PITPNM3: variants seen among roughly 807,000 people sequenced by gnomAD.
PITPNM3 encodes the protein membrane-associated phosphatidylinositol transfer protein 3.
In PITPNM3, 26 loss-of-function variants were observed where a neutral mutation model predicts 102.0. The observed-to-expected ratio is 0.25, with a 90% confidence interval of 0.19 to 0.35. The LOEUF (loss-of-function observed/expected upper bound fraction) is 0.35, where lower values mean the gene tolerates loss of function less well. Ranked by LOEUF, PITPNM3 falls within the 10% of genes least tolerant of loss-of-function variation. The probability of loss-of-function intolerance (pLI) is 1.00; values close to 1 mark genes in which losing one functional copy is unlikely to be tolerated. For synonymous variants in PITPNM3, 578 were observed against 558.6 expected (o/e 1.03, Z -0.49); for missense variants, 1,083 against 1,346.1 (o/e 0.80, Z 3.06).
intron 2 of PITPNM3, among the ~76,000 whole-genome samples, chr17:6,532,988 G>A (rs1275593046): frequency 1.3e-5 from 2 of 152,090 alleles, no homozygotes; most frequent in Admixed American, 6.5e-5. Flanking sequence ...TTGAGACGGC[G>A]TTTCCCTCTT....
intron 4 of PITPNM3, among the ~76,000 whole-genome samples, chr17:6,491,818 T>TAA (rs1471367664): frequency 1.3e-5 from 1 of 78,580 alleles, no homozygotes; most frequent in Non-Finnish European, 2.8e-5. Flanking sequence ...GACAATGGAA[T>TAA]ATATATATAT....
intron 2 of PITPNM3, among the ~76,000 whole-genome samples, chr17:6,532,380 C>A (rs1909193002): frequency 6.6e-6 from 1 of 152,162 alleles, no homozygotes; most frequent in South Asian, 2.1e-4. Flanking sequence ...AAGCGCACAG[C>A]TGGGTAAGTT....
rs938339899 is a variant in PITPNM3 at position 6,537,779 on chromosome 17, G to A, written c.118+208C>T. ...GCACCTAGCAGAGTTCCCGGCACAT[G>A]TGAGGGGTTCAGCAAATATTTCAAA... On this transcript the variant is annotated intron_variant, in intron 2 of 19. Coordinates refer to ENST00000262483, the MANE Select transcript of PITPNM3 (RefSeq NM_031220.4). The surrounding 1 kb of genome is among the most constrained non-coding windows in gnomAD (Gnocchi z 4.4). Among the ~76,000 whole-genome samples, 11 of 152,220 alleles carry A rather than the reference G, an allele frequency of 7.2e-5. No homozygotes were observed. The highest frequency in any genetic ancestry group is 2.7e-4 in the African/African-American group (11 of 41,452).
chr17:6,467,891 G>A (rs1372624647), intron 14 of PITPNM3, among the ~76,000 whole-genome samples: 1 of 152,158 alleles, frequency 6.6e-6, no homozygotes, highest in Non-Finnish European at 1.5e-5. Context: ...AATGGTAAGT[G>A]ACTGAGATCC....
At chr17:6,522,168 A>G (rs539389437) in intron 3 of PITPNM3, among the ~76,000 whole-genome samples, 1 of 152,244 alleles carries the variant, frequency 6.6e-6, no homozygotes, top group Admixed American at 6.5e-5. Context: ...TTATGAGGAC[A>G]TTTTCCCAAC....
At chr17:6,519,655 C>A (rs947364120) in intron 3 of PITPNM3, among the ~76,000 whole-genome samples, 1 of 151,796 alleles carries the variant, frequency 6.6e-6, no homozygotes, top group Non-Finnish European at 1.5e-5. Flanking sequence ...CATGGTGAAA[C>A]CCCATCTCTA....
At position 6,541,534 on chromosome 17, in the gene PITPNM3, C is replaced by T. The variant is rs148920755; in HGVS notation, c.23-3452G>A. Among the ~76,000 whole-genome samples the T allele has an allele frequency of 5.9e-3, 895 of 152,084 alleles. 15 individuals are homozygous for T. Among genetic ancestry groups the T allele is most frequent in the African/African-American group, 0.021 (861 of 41,480 alleles). ...CAGGTAGGGTAGGACCTGTCATGGA[C>T]GGAAGCTTGGAACAGGTGAGTTTTA... On this transcript the variant is annotated intron_variant, in intron 1 of 19. Transcript: ENST00000262483.
At position 6,485,672 on chromosome 17, in the gene PITPNM3, C is replaced by T. The variant is rs545202600; in HGVS notation, c.275-1380G>A. Among the ~76,000 whole-genome samples the T allele has an allele frequency of 1.7e-3, 263 of 152,330 alleles. 1 individual carries two copies. The highest frequency in any genetic ancestry group is 2.6e-3 in the Non-Finnish European group (175 of 68,018). ...AAACATTACTGGCATTGCCCATGAGCTTTAGGGTAAAGCTGGCCTTTGCCA... is the reference window on the plus strand; with the variant it reads ...AAACATTACTGGCATTGCCCATGAGTTTTAGGGTAAAGCTGGCCTTTGCCA... On this transcript the variant is annotated intron_variant, in intron 4 of 19. Transcript: ENST00000262483.
At chr17:6,498,428 G>A (rs921509151) in intron 4 of PITPNM3, among the ~76,000 whole-genome samples, 4 of 152,250 alleles carry the variant, frequency 2.6e-5, no homozygotes, top group East Asian at 1.9e-4. Flanking sequence ...CGCTTCATTC[G>A]AGAGGATCCA....
Position 6,556,352 on chromosome 17 carries a change from C to A in PITPNM3, c.22+33G>T. The A allele has an allele frequency of 7.1e-7, 1 of 1,399,832 alleles. No homozygotes were observed. The allele number at this position is 1,399,832 out of a possible 1,614,324, so 86.7% of individuals were successfully genotyped here. A position where few individuals can be genotyped will look rare whatever the true frequency, so the allele number is the denominator to read the frequency against. ...TAGACGCGCGAGTCCCTCCCCCGGG[C>A]CCCGGCCCTGCCCTCCCCGCGCCCG... On this transcript the variant is annotated intron_variant, in intron 1 of 19. Coordinates refer to ENST00000262483, the MANE Select transcript of PITPNM3 (RefSeq NM_031220.4). This position sits in a 1 kb window ranked among gnomAD's most constrained non-coding sequence, Gnocchi z 5.2.
intron 9 of PITPNM3, among the ~76,000 whole-genome samples, chr17:6,476,012 T>C (rs9899197): frequency 0.057 from 8,662 of 152,322 alleles, 823 homozygotes; most frequent in African/African-American, 0.2. Context: ...TGTAGGGCTA[T>C]TTATACTGCT....
In PITPNM3 at chr17:6,459,688, A is replaced by G. The variant is rs975906008; in HGVS notation, c.2490+1685T>C. Among the ~76,000 whole-genome samples, 4 of 151,556 alleles carry G rather than the reference A, an allele frequency of 2.6e-5. No homozygotes were observed. The South Asian group carries it at 8.4e-4, about 32-fold the overall frequency. ...GGAGTCCCTACCATGTGGCATCATCACCCCCAATGCAGAAGCTATATTGGT... is the reference window on the plus strand; with the variant it reads ...GGAGTCCCTACCATGTGGCATCATCGCCCCCAATGCAGAAGCTATATTGGT... On this transcript the variant is annotated intron_variant, in intron 18 of 19. Coordinates refer to ENST00000262483, the MANE Select transcript of PITPNM3 (RefSeq NM_031220.4). This position sits in a 1 kb window ranked among gnomAD's most constrained non-coding sequence, Gnocchi z 5.0.
rs9892796 is a variant in PITPNM3, at chr17:6,470,889, G to A, written c.1624+272C>T. ...GGTCAGAGCTCTGATTTGAGGCAGGGTCAGAGTTCAGGGCTCTGTCCAGGG... is the reference window on the plus strand; with the variant it reads ...GGTCAGAGCTCTGATTTGAGGCAGGATCAGAGTTCAGGGCTCTGTCCAGGG... On this transcript the variant is annotated intron_variant, in intron 12 of 19. Transcript: ENST00000262483. This position sits in a 1 kb window ranked among gnomAD's most constrained non-coding sequence, Gnocchi z 4.8. Among the ~76,000 whole-genome samples the A allele has an allele frequency of 0.049, 7,409 of 152,228 alleles. 277 individuals are homozygous for A. The highest frequency in any genetic ancestry group is 0.12 in the South Asian group (591 of 4,824).
chr17:6,550,462 G>A (rs1009834927), intron 1 of PITPNM3, among the ~76,000 whole-genome samples: 3 of 152,180 alleles, frequency 2.0e-5, no homozygotes, highest in Non-Finnish European at 2.9e-5. Context: ...GAAGGCAGCT[G>A]GGTCCTACCA....
Position 6,482,020 on chromosome 17 carries a change from CTCTCTCTCTCTCTCTG to C in PITPNM3, c.587+1481_587+1496del, listed in dbSNP as rs1567670227. Among the ~76,000 whole-genome samples, 53 of 101,124 alleles carry C rather than the reference CTCTCTCTCTCTCTCTG, an allele frequency of 5.2e-4. 1 individual carries two copies. Among genetic ancestry groups the C allele is most frequent in the Non-Finnish European group, 7.6e-4 (40 of 52,412 alleles). The allele number at this position is 101,124 out of a possible 152,430, so 66.3% of individuals were successfully genotyped here. A position where few individuals can be genotyped will look rare whatever the true frequency, so the allele number is the denominator to read the frequency against. On this transcript the variant is annotated intron_variant, in intron 6 of 19. Coordinates refer to ENST00000262483, the MANE Select transcript of PITPNM3 (RefSeq NM_031220.4). The stretch of plus-strand genomic sequence containing the variant: ...TCTCTCTCTCTCTCTCTCTCTCTCT[CTCTCTCTCTCTCTCTG>C]TCTGTCTCTCTCTCTCTCTCTCTCT...
At chr17:6,514,180 A>G (rs1458199364) in intron 3 of PITPNM3, among the ~76,000 whole-genome samples, 4 of 152,228 alleles carry the variant, frequency 2.6e-5, no homozygotes, top group Non-Finnish European at 5.9e-5. Context: ...ACATGGGGGT[A>G]AATCTTCATG....
chr17:6,500,876 A>G (rs530243917), intron 4 of PITPNM3, among the ~76,000 whole-genome samples: 4 of 152,126 alleles, frequency 2.6e-5, no homozygotes, highest in African/African-American at 9.6e-5. Flanking sequence ...GGTTTTCACT[A>G]TATTGGTCAG....
chr17:6,460,020 C>T (rs1279238773), intron 18 of PITPNM3, among the ~76,000 whole-genome samples: 2 of 152,112 alleles, frequency 1.3e-5, no homozygotes, highest in African/African-American at 4.8e-5. Flanking sequence ...TTTCTATAAG[C>T]CAAATTAGAC....
intron 4 of PITPNM3, among the ~76,000 whole-genome samples, chr17:6,498,002 C>T (rs1303549612): frequency 1.3e-5 from 2 of 152,210 alleles, no homozygotes; most frequent in Non-Finnish European, 2.9e-5. Flanking sequence ...GTCATGCCTC[C>T]TCCCACCGGA....
Sources: gnomAD v4.1 joint callset for allele counts (sites outside exome capture counted in the v4.1 genomes callset) on GRCh38, gnomAD v4.1.1 for gene constraint, Gnocchi (gnomAD v3.1) non-coding constraint, MANE v1.5 for transcripts, NCBI Gene and HGNC (gene_info 2026-07-23, HGNC 2026-07-21) for gene names.